The following PHLDB2 variants were observed in gnomAD, a reference collection of about 807,000 sequenced individuals.
PHLDB2 encodes the protein pleckstrin homology like domain family B member 2, also known as pleckstrin homology-like domain family B member 2.
In PHLDB2, 71 loss-of-function variants were observed where a neutral mutation model predicts 123.6. That is an observed-to-expected ratio of 0.57 (90% CI 0.47 to 0.70). The LOEUF is 0.70. Ranked by LOEUF, PHLDB2 falls within the 30% of genes least tolerant of loss-of-function variation. The pLI is 0.00. For missense variants in PHLDB2, 1,446 were observed against 1,519.5 expected, an observed-to-expected ratio of 0.95 and a Z score of 0.80; for synonymous variants, 547 against 541.6, an observed-to-expected ratio of 1.01 and a Z score of -0.14.
chr3:111,890,834 TC>T (rs2066439266), intron 2 of PHLDB2, among the ~76,000 whole-genome samples: 1 of 152,200 alleles, frequency 6.6e-6, no homozygotes, highest in South Asian at 2.1e-4. Context: ...TTTAGTTTGT[TC>T]CTTTTTTAAA....
At chr3:111,792,442 A>ATGTCTTTAATCCCAGCACT (rs1179921730) in intron 1 of PHLDB2, among the ~76,000 whole-genome samples, 12 of 152,194 alleles carry the variant, frequency 7.9e-5, no homozygotes, top group Non-Finnish European at 1.6e-4. Flanking sequence ...ATGGTGGCTC[A>ATGTCTTTAATCCCAGCACT]TGTCTTTAAT....
At chr3:111,934,622 G>A (rs1005162121) in intron 6 of PHLDB2, among the ~76,000 whole-genome samples, 2 of 152,166 alleles carry the variant, frequency 1.3e-5, no homozygotes, top group African/African-American at 4.8e-5. Flanking sequence ...CATGATGTTA[G>A]AGTCTGAATA....
At chr3:111,902,624 C>A (rs1239916485) in intron 2 of PHLDB2, among the ~76,000 whole-genome samples, 2 of 151,992 alleles carry the variant, frequency 1.3e-5, no homozygotes, top group Non-Finnish European at 2.9e-5. Context: ...AGGCAAGTAA[C>A]AGTAAATATT....
chr3:111,933,384 G>A (rs1032300667), intron 6 of PHLDB2, among the ~76,000 whole-genome samples: 1 of 152,160 alleles, frequency 6.6e-6, no homozygotes, highest in Non-Finnish European at 1.5e-5. Context: ...ATCCTTAAAC[G>A]TTCTTAAGAT....
At chr3:111,877,441 A>C (rs150705412) in intron 1 of PHLDB2, among the ~76,000 whole-genome samples, 4 of 143,648 alleles carry the variant, frequency 2.8e-5, no homozygotes, top group Non-Finnish European at 6.2e-5. Flanking sequence ...AAATTTGTTT[A>C]AGTTCTTTGT....
chr3:111,780,385 GAAGAAGAAGAAGAA>G (rs1559827386), intron 1 of PHLDB2, among the ~76,000 whole-genome samples: 5 of 46,550 alleles, frequency 1.1e-4, no homozygotes, highest in African/African-American at 2.3e-4. Flanking sequence ...AGAAGAAGAA[GAAGAAGAAGAAGAA>G]GAAGAAGAAG....
chr3:111,875,938 T>G (rs1203542383), intron 1 of PHLDB2, among the ~76,000 whole-genome samples: 1 of 151,970 alleles, frequency 6.6e-6, no homozygotes, highest in Non-Finnish European at 1.5e-5. Context: ...ATGGTCCAAA[T>G]GTATTATATA....
At chr3:111,896,222 G>A (rs1437176530) in intron 2 of PHLDB2, among the ~76,000 whole-genome samples, 1 of 151,998 alleles carries the variant, frequency 6.6e-6, no homozygotes, top group African/African-American at 2.4e-5. Context: ...GAAACTATTG[G>A]GATTACAGGC....
At chr3:111,876,554 C>T (rs766320493) in intron 1 of PHLDB2, among the ~76,000 whole-genome samples, 4 of 152,018 alleles carry the variant, frequency 2.6e-5, no homozygotes, top group Non-Finnish European at 4.4e-5. Context: ...ATGTTCATAA[C>T]GGAGAGAAAA....
intron 1 of PHLDB2, among the ~76,000 whole-genome samples, chr3:111,832,301 C>G (rs547297369): frequency 6.6e-6 from 1 of 151,992 alleles, no homozygotes; most frequent in Non-Finnish European, 1.5e-5. Flanking sequence ...ATCTTTTCAA[C>G]TTTACTGCTT....
chr3:111,813,592 C>T (rs895079690), intron 1 of PHLDB2, among the ~76,000 whole-genome samples: 6 of 152,026 alleles, frequency 3.9e-5, no homozygotes, highest in Admixed American at 2.6e-4. Flanking sequence ...TTATACAAAT[C>T]TTTGGAATTC....
chr3:111,927,618 T>C (rs964955086), intron 5 of PHLDB2, among the ~76,000 whole-genome samples: 10 of 152,190 alleles, frequency 6.6e-5, no homozygotes, highest in Admixed American at 5.9e-4. Flanking sequence ...ACATTTGCAT[T>C]TCCGACAAAC....
intron 16 of PHLDB2, 104 bp from the exon 17 acceptor site, chr3:111,973,628 T>C: frequency 1.6e-6 from 1 of 634,674 alleles, no homozygotes; most frequent in Non-Finnish European, 2.6e-6. Flanking sequence ...CTTAGATAAA[T>C]TAAATACTTT....
chr3:111,742,559 T>C (rs951008441), intron 1 of PHLDB2, among the ~76,000 whole-genome samples: 6 of 151,370 alleles, frequency 4.0e-5, no homozygotes, highest in Non-Finnish European at 7.4e-5. Context: ...GAAAATGCGG[T>C]GTTTGGTTTT....
At chr3:111,831,725 T>C (rs895553558) in intron 1 of PHLDB2, among the ~76,000 whole-genome samples, 2 of 152,204 alleles carry the variant, frequency 1.3e-5, no homozygotes, top group African/African-American at 2.4e-5. Flanking sequence ...ATTATAGTTA[T>C]AGGTATGGGT....
At chr3:111,781,534 TTCA>T (rs2060478011) in intron 1 of PHLDB2, among the ~76,000 whole-genome samples, 1 of 152,114 alleles carries the variant, frequency 6.6e-6, no homozygotes, top group African/African-American at 2.4e-5. Flanking sequence ...TAACAATGAC[TTCA>T]TCACAATAGC....
chr3:111,746,059 A>G (rs1265022571), intron 1 of PHLDB2, among the ~76,000 whole-genome samples: 1 of 152,208 alleles, frequency 6.6e-6, no homozygotes, highest in Non-Finnish European at 1.5e-5. Context: ...ATAAGAAAAG[A>G]CTATTATTCT....
At position 111,919,137 on chromosome 3, in the gene PHLDB2, A is replaced by C. The variant is rs1255636562; in HGVS notation, c.1785A>C (p.Ile595=). ...QELAAMEETR[I]VILNNLEELK... ...TGGCTGCAATGGAAGAAACCCGGAT[A>C]GTCATTCTGAACAACCTCGAGGAAC... The change falls in exon 4 of 18, where the codon ATA becomes ATC. Residue 595 remains isoleucine, a synonymous_variant. Coordinates refer to ENST00000431670, the MANE Select transcript of PHLDB2 (RefSeq NM_001134438.2). 3.1e-6 allele frequency: 5 copies of C among 1,614,002 alleles called. No individual in the cohort carries two copies. The highest frequency in any genetic ancestry group is 4.2e-6 in the Non-Finnish European group (5 of 1,179,802).
chr3:111,904,130 T>G (rs2067367778), intron 2 of PHLDB2, among the ~76,000 whole-genome samples: 1 of 151,680 alleles, frequency 6.6e-6, no homozygotes, highest in Non-Finnish European at 1.5e-5. Flanking sequence ...ATACAAAAAT[T>G]AGTCAGGTGT....
Sources: gnomAD v4.1 joint callset for allele counts (sites outside exome capture counted in the v4.1 genomes callset) on GRCh38, gnomAD v4.1.1 for gene constraint, MANE v1.5 for transcripts, NCBI Gene and HGNC (gene_info 2026-07-23, HGNC 2026-07-21) for gene names.